HS3ST4: variants seen among roughly 807,000 people sequenced by gnomAD.
HS3ST4 encodes heparan sulfate-glucosamine 3-sulfotransferase 4, also known as heparan sulfate glucosamine 3-O-sulfotransferase 4.
A neutral mutation model predicts 29.2 loss-of-function variants in HS3ST4; 17 were observed. The observed-to-expected ratio is 0.58, with a 90% CI of 0.40 to 0.87. HS3ST4 has a LOEUF of 0.87. HS3ST4 is among the 40% of genes least tolerant of loss of function. The probability of loss-of-function intolerance (pLI) is 0.00; values close to 1 mark genes in which losing one functional copy is unlikely to be tolerated. For missense variants in HS3ST4, 627 were observed against 634.5 expected, an observed-to-expected ratio of 0.99 and a Z score of 0.13; for synonymous variants, 314 against 285.7, an observed-to-expected ratio of 1.10 and a Z score of -1.00.
chr16:26,094,941 C>CA (rs368226714), intron 1 of HS3ST4, among the ~76,000 whole-genome samples: 62,001 of 142,624 alleles, frequency 0.43, 13,995 homozygotes, highest in Admixed American at 0.56. Context: ...AAATGGAAAG[C>CA]AAAAAAAAGC....
At chr16:26,048,569 C>A (rs1410460593) in intron 1 of HS3ST4, among the ~76,000 whole-genome samples, 1 of 152,168 alleles carries the variant, frequency 6.6e-6, no homozygotes, top group Non-Finnish European at 1.5e-5. Flanking sequence ...AGAATCCCAG[C>A]ACTTTGGGAG....
At chr16:26,032,541 A>C in intron 1 of HS3ST4, 5 of 1,440,494 alleles carry the variant, frequency 3.5e-6, no homozygotes, top group Non-Finnish European at 3.9e-6. Context: ...CACACACTTC[A>C]CTTGGCATCT....
At chr16:25,710,361 T>G (rs576168809) in intron 1 of HS3ST4, among the ~76,000 whole-genome samples, 3 of 152,332 alleles carry the variant, frequency 2.0e-5, no homozygotes, top group African/African-American at 7.2e-5. Flanking sequence ...TGGGGGAACC[T>G]GAGGACCTTG....
At chr16:25,881,463 TA>T in intron 1 of HS3ST4, among the ~76,000 whole-genome samples, 1 of 152,138 alleles carries the variant, frequency 6.6e-6, no homozygotes, top group Non-Finnish European at 1.5e-5. Context: ...TAGTTTAAAA[TA>T]AAATCCTTCG....
intron 1 of HS3ST4, among the ~76,000 whole-genome samples, chr16:26,082,072 G>C (rs944731527): frequency 6.6e-6 from 1 of 152,168 alleles, no homozygotes; most frequent in Non-Finnish European, 1.5e-5. Context: ...TGGGATTACA[G>C]GCATGAGCCA....
chr16:26,116,694 T>C (rs1389629334), intron 1 of HS3ST4, among the ~76,000 whole-genome samples: 1 of 152,226 alleles, frequency 6.6e-6, no homozygotes, highest in East Asian at 1.9e-4. Context: ...CATTTGTTTA[T>C]TTATTATTTG....
At chr16:25,748,130 G>A (rs1477138687) in intron 1 of HS3ST4, among the ~76,000 whole-genome samples, 1 of 152,008 alleles carries the variant, frequency 6.6e-6, no homozygotes, top group East Asian at 1.9e-4. Context: ...GGTCCATCTC[G>A]ATGTCTGCAG....
chr16:25,820,608 TA>T (rs777083080), intron 1 of HS3ST4, among the ~76,000 whole-genome samples: 21 of 151,992 alleles, frequency 1.4e-4, no homozygotes, highest in African/African-American at 4.8e-4. Flanking sequence ...TTTTTATTTT[TA>T]TTTTTTTGTA....
chr16:25,837,121 C>G (rs1047801157), intron 1 of HS3ST4, among the ~76,000 whole-genome samples: 1 of 152,212 alleles, frequency 6.6e-6, no homozygotes, highest in African/African-American at 2.4e-5. Flanking sequence ...GGCAGATCCC[C>G]TTCTCCAGTA....
chr16:26,025,663 C>T (rs1405634171), intron 1 of HS3ST4, among the ~76,000 whole-genome samples: 1 of 152,216 alleles, frequency 6.6e-6, no homozygotes, highest in East Asian at 1.9e-4. Flanking sequence ...GCTCCTATGC[C>T]TCTGCAACAT....
intron 1 of HS3ST4, among the ~76,000 whole-genome samples, chr16:25,853,360 CT>C (rs544942098): frequency 6.6e-6 from 1 of 151,144 alleles, no homozygotes; most frequent in Non-Finnish European, 1.5e-5. Context: ...AATTTAACTT[CT>C]TTTTTTTCCA....
intron 1 of HS3ST4, among the ~76,000 whole-genome samples, chr16:25,709,192 C>G (rs553739450): frequency 8.6e-5 from 13 of 151,882 alleles, no homozygotes; most frequent in Admixed American, 2.0e-4. Flanking sequence ...CAAAACTTCT[C>G]TCCTTGTGGC....
At chr16:25,886,289 T>C (rs1401872225) in intron 1 of HS3ST4, among the ~76,000 whole-genome samples, 2 of 152,138 alleles carry the variant, frequency 1.3e-5, no homozygotes, top group African/African-American at 4.8e-5. Flanking sequence ...TGCCTCGGCC[T>C]CCCAAAGTTC....
chr16:26,077,482 T>C (rs1898676422), intron 1 of HS3ST4, among the ~76,000 whole-genome samples: 1 of 152,246 alleles, frequency 6.6e-6, no homozygotes, highest in African/African-American at 2.4e-5. Context: ...TCATGCTTTC[T>C]TGTAGGAGCA....
At chr16:25,818,019 G>C (rs577677660) in intron 1 of HS3ST4, among the ~76,000 whole-genome samples, 99 of 152,296 alleles carry the variant, frequency 6.5e-4, no homozygotes, top group African/African-American at 2.3e-3. Flanking sequence ...CCACTGTCTC[G>C]CGGCAAGCCA....
At chr16:25,978,211 A>G (rs1968963991) in intron 1 of HS3ST4, among the ~76,000 whole-genome samples, 1 of 152,228 alleles carries the variant, frequency 6.6e-6, no homozygotes, top group Non-Finnish European at 1.5e-5. Context: ...GCCATATAAT[A>G]TGCAGTGACC....
intron 1 of HS3ST4, among the ~76,000 whole-genome samples, chr16:26,117,224 T>C (rs1208998335): frequency 6.6e-6 from 1 of 152,146 alleles, no homozygotes. Context: ...TGCAGTAGAA[T>C]TGCAGATACA....
At chr16:25,726,345 T>C (rs1966534571) in intron 1 of HS3ST4, among the ~76,000 whole-genome samples, 1 of 152,206 alleles carries the variant, frequency 6.6e-6, no homozygotes, top group Non-Finnish European at 1.5e-5. Context: ...TTCTTTGTAT[T>C]TCTAATGTAT....
chr16:25,997,481 T>C (rs1171905608), intron 1 of HS3ST4, among the ~76,000 whole-genome samples: 1 of 152,218 alleles, frequency 6.6e-6, no homozygotes, highest in African/African-American at 2.4e-5. Context: ...AAGTTCAGAC[T>C]GACTTCAGGA....
Sources: gnomAD v4.1 joint callset for allele counts (sites outside exome capture counted in the v4.1 genomes callset) on GRCh38, gnomAD v4.1.1 for gene constraint, MANE v1.5 for transcripts, NCBI Gene and HGNC (gene_info 2026-07-23, HGNC 2026-07-21) for gene names.